The following FHIP2A variants were observed in gnomAD, a reference collection of about 807,000 sequenced individuals.
The protein encoded by FHIP2A is family with sequence similarity 160 member B1.
A neutral mutation model predicts 93.5 loss-of-function variants in FHIP2A; 46 were observed. That is an observed-to-expected ratio of 0.49 (90% confidence interval 0.39 to 0.63). FHIP2A has a LOEUF of 0.63. FHIP2A is among the 20% of genes least tolerant of loss of function. FHIP2A has a pLI of 0.00. For synonymous variants in FHIP2A, 332 were observed against 326.5 expected, an observed-to-expected ratio of 1.02 and a Z score of -0.18; for missense variants, 769 against 909.7, an observed-to-expected ratio of 0.85 and a Z score of 1.99.
At chr10:114,840,806 G>A (rs983456366) in intron 5 of FHIP2A, among the ~76,000 whole-genome samples, 4 of 152,136 alleles carry the variant, frequency 2.6e-5, no homozygotes, top group African/African-American at 9.7e-5. Flanking sequence ...TTTTGGTTCC[G>A]GATGCTTTGA....
intron 16 of FHIP2A, among the ~76,000 whole-genome samples, chr10:114,879,464 C>G (rs1216408834): frequency 6.6e-6 from 1 of 152,146 alleles, no homozygotes; most frequent in Non-Finnish European, 1.5e-5. Context: ...TACTGAAATA[C>G]ACACATACTC....
chr10:114,833,470 GCTGCCAAATA>G, intron 3 of FHIP2A, 68 bp downstream of exon 3: 1 of 1,396,318 alleles, frequency 7.2e-7, no homozygotes, highest in Non-Finnish European at 1.0e-6. Flanking sequence ...GAATAAAGAA[GCTGCCAAATA>G]CTTGATTATA....
chr10:114,870,835 G>A (rs369019243), intron 16 of FHIP2A, among the ~76,000 whole-genome samples: 1 of 152,070 alleles, frequency 6.6e-6, no homozygotes, highest in African/African-American at 2.4e-5. Context: ...GCTTTGTGTT[G>A]CTAGGCTAGG....
chr10:114,849,996 T>C (rs2083725258), intron 13 of FHIP2A, among the ~76,000 whole-genome samples: 2 of 152,242 alleles, frequency 1.3e-5, no homozygotes, highest in African/African-American at 4.8e-5. Context: ...ATTGTACGGA[T>C]ATTTTGTGTA....
intron 14 of FHIP2A, among the ~76,000 whole-genome samples, chr10:114,856,474 T>A (rs2083767915): frequency 6.6e-6 from 1 of 152,192 alleles, no homozygotes; most frequent in African/African-American, 2.4e-5. Flanking sequence ...TGGTTTGTTT[T>A]TTGTTTTTGT....
At chr10:114,860,911 A>G (rs780684186) in intron 15 of FHIP2A, 22 bp downstream of exon 15, 9 of 1,598,066 alleles carry the variant, frequency 5.6e-6, no homozygotes, top group Non-Finnish European at 7.7e-6. Flanking sequence ...GTTCTGTTAT[A>G]TTCCCTAGGA....
At chr10:114,822,238 C>T in intron 1 of FHIP2A, 115 bp downstream of exon 1, 1 of 564,356 alleles carries the variant, frequency 1.8e-6, no homozygotes, top group Non-Finnish European at 2.4e-6. Context: ...GGCCCTGTCC[C>T]CGGTTGGGGT....
chr10:114,856,603 T>C (rs575047088), intron 14 of FHIP2A, among the ~76,000 whole-genome samples: 1 of 152,302 alleles, frequency 6.6e-6, no homozygotes, highest in African/African-American at 2.4e-5. Context: ...TGACCGAAAG[T>C]ACTAAAAAGG....
chr10:114,873,792 G>C (rs2083870508), intron 16 of FHIP2A, among the ~76,000 whole-genome samples: 1 of 151,938 alleles, frequency 6.6e-6, no homozygotes, highest in Non-Finnish European at 1.5e-5. Context: ...TGTTTTGTTT[G>C]TTTCTTTTTG....
At chr10:114,869,271 A>C (rs1247345997), downstream of FHIP2A, among the ~76,000 whole-genome samples, 1 of 152,208 alleles carries the variant, frequency 6.6e-6, no homozygotes, top group Non-Finnish European at 1.5e-5. Flanking sequence ...CATGTACTGG[A>C]GATTTCTAGG....
rs989689419 is a variant in FHIP2A, at chr10:114,833,395, A to G, written c.287A>G (p.Lys96Arg). Residue 96 changes from lysine (K) to arginine (R), a missense_variant, in exon 3 of 17, where the codon AAA becomes AGA. By Grantham distance (26) the Lys-to-Arg change is conservative. Coordinates refer to ENST00000369248, the MANE Select transcript of FHIP2A (RefSeq NM_020940.4). ...TTGGAAACATTATATACCTTGGGGAAAGCTGATGTAAGTTCCTGATCCACA... is the reference window on the plus strand; with the variant it reads ...TTGGAAACATTATATACCTTGGGGAGAGCTGATGTAAGTTCCTGATCCACA... ...KILETLYTLGKADCPPGMKQQ... is the reference protein window; with the variant it reads ...KILETLYTLGRADCPPGMKQQ... 4 of 1,613,362 alleles carry G rather than the reference A, an allele frequency of 2.5e-6. No individual in the cohort carries two copies. Among genetic ancestry groups the G allele is most frequent in the Non-Finnish European group, 3.4e-6 (4 of 1,179,722 alleles).
chr10:114,846,354 A>C lies in FHIP2A; in HGVS notation c.1385A>C (p.His462Pro). 1.9e-6 allele frequency: 3 copies of C among 1,613,814 alleles called. No homozygotes were observed. Among genetic ancestry groups the C allele is most frequent in the Non-Finnish European group, 1.7e-6 (2 of 1,179,750 alleles). Residue 462 changes from histidine to proline, a missense_variant, in exon 10 of 17, where the codon CAC becomes CCC. Transcript: ENST00000369248. ...CATAGGTTAATTGAACATTGTGATC[A>C]CATATCTGATGAGGTAAGCTACGTA... ...LRHRLIEHCDHISDEISIMTL... is the reference protein window; with the variant it reads ...LRHRLIEHCDPISDEISIMTL...
chr10:114,890,818 C>G (rs1388665101), intron 16 of FHIP2A, among the ~76,000 whole-genome samples: 1 of 149,628 alleles, frequency 6.7e-6, no homozygotes, highest in Non-Finnish European at 1.5e-5. Context: ...AATATGAACA[C>G]TGACTAGATA....
In FHIP2A at chr10:114,891,219, A is replaced by ATATATATATGC. The variant is rs1041197298; in HGVS notation, c.2193-8271_2193-8270insTATATATATGC. Among the ~76,000 whole-genome samples, 3 of 138,484 alleles carry ATATATATATGC rather than the reference A, an allele frequency of 2.2e-5. No individual in the cohort carries two copies. In the East Asian group the frequency reaches 6.4e-4, roughly 30 times the overall value. The allele number at this position is 138,484 out of a possible 152,430, so 90.9% of individuals were successfully genotyped here. ...AACAACCATAACAACAACAACAACA[A>ATATATATATGC]ATATATATATATATATATATATGCA... On this transcript the variant is annotated intron_variant, in intron 16 of 16. Coordinates refer to the FHIP2A transcript ENST00000369250.
chr10:114,836,063 A>G (rs546636573), intron 4 of FHIP2A, 61 bp from the exon 5 acceptor site: 2 of 1,330,124 alleles, frequency 1.5e-6, no homozygotes, highest in East Asian at 2.3e-5. Context: ...ATGAATGGTT[A>G]TTTTACAAAT....
intron 5 of FHIP2A, among the ~76,000 whole-genome samples, chr10:114,841,517 C>G (rs1319010728): frequency 5.3e-5 from 8 of 152,048 alleles, no homozygotes; most frequent in Non-Finnish European, 8.8e-5. Flanking sequence ...GTCTCGAACT[C>G]CTGACCTCAA....
Position 114,847,669 on chromosome 10 carries a change from C to T in FHIP2A, c.1712+436C>T, listed in dbSNP as rs755676232. ...TGCTTATGTAACAAGTGCCAGGCTG[C>T]GGGCAACACTTGATACTAAGAGAAA... On this transcript the variant is annotated intron_variant, in intron 12 of 16. Transcript: ENST00000369248. Among the ~76,000 whole-genome samples the T allele has an allele frequency of 4.0e-5, 6 of 151,868 alleles. No homozygotes were observed. The South Asian group carries it at 6.2e-4, about 16-fold the overall frequency.
intron 16 of FHIP2A, among the ~76,000 whole-genome samples, chr10:114,892,443 G>T (rs1028290902): frequency 1.1e-4 from 17 of 152,116 alleles, no homozygotes; most frequent in African/African-American, 3.9e-4. Context: ...TTGGAGAGCA[G>T]CCTGGCCAAC....
intron 16 of FHIP2A, among the ~76,000 whole-genome samples, chr10:114,897,931 G>T (rs2084008795): frequency 6.6e-6 from 1 of 152,186 alleles, no homozygotes; most frequent in African/African-American, 2.4e-5. Flanking sequence ...CATTGGGACT[G>T]TGACTGAACT....
Sources: gnomAD v4.1 joint callset for allele counts (sites outside exome capture counted in the v4.1 genomes callset) on GRCh38, gnomAD v4.1.1 for gene constraint, MANE v1.5 for transcripts, NCBI Gene and HGNC (gene_info 2026-07-23, HGNC 2026-07-21) for gene names.